PDE1B: variants seen among roughly 807,000 people sequenced by gnomAD.
The protein encoded by PDE1B is phosphodiesterase 1B, also known as dual specificity calcium/calmodulin-dependent 3',5'-cyclic nucleotide phosphodiesterase 1B.
Under a neutral mutation model 66.7 loss-of-function variants are expected in PDE1B, and 13 were observed. The ratio of observed to expected loss-of-function variants is 0.19; its 90% confidence interval spans 0.13 to 0.31. PDE1B has a LOEUF of 0.31. Among genes scored for constraint, PDE1B ranks in the 10% least tolerant of loss-of-function variants. The pLI is 1.00. For missense variants in PDE1B, 485 were observed against 682.3 expected (o/e 0.71, Z 3.22); for synonymous variants, 230 against 253.9 (o/e 0.91, Z 0.90).
At chr12:54,563,352 G>A (rs200277350) in intron 2 of PDE1B, among the ~76,000 whole-genome samples, 1 of 152,246 alleles carries the variant, frequency 6.6e-6, no homozygotes, top group East Asian at 1.9e-4. Flanking sequence ...GGTTCCATTA[G>A]CTTGAGTTGT....
intron 2 of PDE1B, chr12:54,561,418 T>C (rs2121066303): frequency 1.6e-6 from 2 of 1,267,178 alleles, no homozygotes; most frequent in South Asian, 5.4e-5. Flanking sequence ...CACTCTCTTC[T>C]TCCTGCAGCC....
At position 54,575,774 on chromosome 12, in the gene PDE1B, G is replaced by T. The variant is rs1425380506; in HGVS notation, c.1267+142G>T. On this transcript the variant is annotated intron_variant, in intron 12 of 15. Transcript: ENST00000243052. This position sits in a 1 kb window ranked among gnomAD's most constrained non-coding sequence, Gnocchi z 4.0. The stretch of plus-strand genomic sequence containing the variant: ...TACTGTGCTAGAGCATGGGGTCCTG[G>T]GTTAGGAGGCCAGGGGGCTGCAATG... 3 of 757,500 alleles carry T rather than the reference G, an allele frequency of 4.0e-6. No individual in the cohort carries two copies. Among genetic ancestry groups the T allele is most frequent in the Admixed American group, 4.0e-5 (2 of 50,142 alleles). The allele number at this position is 757,500 out of a possible 1,614,324, so 46.9% of individuals were successfully genotyped here.
At position 54,574,847 on chromosome 12, in the gene PDE1B, C is replaced by A. The variant is rs764634096; in HGVS notation, c.1065-251C>A. 3.1e-5 allele frequency: 9 copies of A among 288,194 alleles called. No homozygotes were observed. The Admixed American group carries it at 4.4e-4, about 14-fold the overall frequency. The allele number at this position is 288,194 out of a possible 1,614,324, so 17.9% of individuals were successfully genotyped here. A position where few individuals can be genotyped will look rare whatever the true frequency, so the allele number is the denominator to read the frequency against. ...AATTAGCTGGGTGTGGTGGCATGCA[C>A]GCCTGTAGTCCCAGCTATTCGGGAG... On this transcript the variant is annotated intron_variant, in intron 10 of 15. Coordinates refer to ENST00000243052, the MANE Select transcript of PDE1B (RefSeq NM_000924.4).
At position 54,573,605 on chromosome 12, in the gene PDE1B, C is replaced by T. The variant is rs1472235268; in HGVS notation, c.963-3C>T. 2 of 1,613,834 alleles carry T rather than the reference C, an allele frequency of 1.2e-6. No individual in the cohort carries two copies. The highest frequency in any genetic ancestry group is 1.7e-5 in the Admixed American group (1 of 60,014). ...GATTGCTTCTCTTTTTATGTCCGCT[C>T]AGAGAACTCCGAGCCCTGGTCATTG... On this transcript the variant is annotated splice_polypyrimidine_tract_variant and splice_region_variant and intron_variant, in intron 9 of 15. Coordinates refer to ENST00000243052, the MANE Select transcript of PDE1B (RefSeq NM_000924.4). This position sits in a 1 kb window ranked among gnomAD's most constrained non-coding sequence, Gnocchi z 5.2.
intron 2 of PDE1B, among the ~76,000 whole-genome samples, chr12:54,563,592 A>G (rs1011373690): frequency 6.6e-6 from 1 of 152,188 alleles, no homozygotes; most frequent in Non-Finnish European, 1.5e-5. Context: ...AGGTACTTGT[A>G]TTTGAAGGGA....
chr12:54,550,106 G>A, intron 2 of PDE1B, 121 bp downstream of exon 2: 1 of 1,462,722 alleles, frequency 6.8e-7, no homozygotes, highest in Non-Finnish European at 9.1e-7. Context: ...GATGTTGGCA[G>A]GTGCGAGGAA....
chr12:54,569,375 C>T lies in PDE1B; in HGVS notation c.410+9C>T, dbSNP rs564806916. ...GGGATCTTCGTGGAACGGTGAGGCTCGCCCACACTCAGCCTCCCTCTGCCT... is the reference window on the plus strand; with the variant it reads ...GGGATCTTCGTGGAACGGTGAGGCTTGCCCACACTCAGCCTCCCTCTGCCT... On this transcript the variant is annotated intron_variant, in intron 4 of 15. Transcript: ENST00000243052. This position sits in a 1 kb window ranked among gnomAD's most constrained non-coding sequence, Gnocchi z 4.4. The T allele has an allele frequency of 4.1e-5, 66 of 1,597,482 alleles. No individual in the cohort carries two copies. The South Asian group carries it at 5.5e-4, about 13-fold the overall frequency.
Position 54,573,186 on chromosome 12 carries a change from T to C in PDE1B, c.774T>C (p.Phe258=), listed in dbSNP as rs376805586. The change falls in exon 8 of 16, where the codon TTT becomes TTC. Residue 258 remains phenylalanine (F), a synonymous_variant. Coordinates refer to ENST00000243052, the MANE Select transcript of PDE1B (RefSeq NM_000924.4). The surrounding 1 kb of genome is among the most constrained non-coding windows in gnomAD (Gnocchi z 5.2). ...LSEIELLAII[F]AAAIHDYEHT... ...AGATTGAGCTCCTGGCCATCATCTT[T>C]GCTGCAGCTATCCATGATTATGAGC... The C allele has an allele frequency of 9.3e-6, 15 of 1,614,012 alleles. No homozygotes were observed. The African/African-American group carries it at 2.0e-4, about 22-fold the overall frequency.
chr12:54,566,496 A>G (rs1295159028), intron 2 of PDE1B, among the ~76,000 whole-genome samples: 2 of 152,184 alleles, frequency 1.3e-5, no homozygotes, highest in East Asian at 3.8e-4. Flanking sequence ...CCCCCACACC[A>G]TGACCAAGAG....
At chr12:54,577,505 G>A (rs189017650) in intron 15 of PDE1B, 160 bp downstream of exon 15, 2 of 1,587,816 alleles carry the variant, frequency 1.3e-6, no homozygotes, top group Non-Finnish European at 1.7e-6. Flanking sequence ...TGTGGGTGGA[G>A]CAGGGAAATC....
At chr12:54,566,203 A>G (rs1957512816) in intron 2 of PDE1B, among the ~76,000 whole-genome samples, 2 of 152,214 alleles carry the variant, frequency 1.3e-5, no homozygotes, top group African/African-American at 4.8e-5. Context: ...CATCCAGTGA[A>G]TGAGATCCCT....
intron 2 of PDE1B, among the ~76,000 whole-genome samples, chr12:54,550,743 C>T (rs766742032): frequency 6.6e-6 from 1 of 152,152 alleles, no homozygotes; most frequent in Non-Finnish European, 1.5e-5. Context: ...TCTCCAAGCA[C>T]ATTTGGGCAT....
chr12:54,551,796 C>G (rs527878658), intron 2 of PDE1B, among the ~76,000 whole-genome samples: 1 of 152,238 alleles, frequency 6.6e-6, no homozygotes, highest in Non-Finnish European at 1.5e-5. Context: ...AGGCATGAAA[C>G]CTGGGAAGAG....
chr12:54,575,031 G>C lies in PDE1B; in HGVS notation c.1065-67G>C, dbSNP rs563659989. ...GTGATAGGGTGTGCGTGGGAAGTTA[G>C]GGAATGGTCCTAACTTCCTTTTCCT... On this transcript the variant is annotated intron_variant, in intron 10 of 15. Coordinates refer to ENST00000243052, the MANE Select transcript of PDE1B (RefSeq NM_000924.4). This position sits in a 1 kb window ranked among gnomAD's most constrained non-coding sequence, Gnocchi z 4.0. 8.8e-5 allele frequency: 128 copies of C among 1,449,280 alleles called. No individual in the cohort carries two copies. The highest frequency in any genetic ancestry group is 2.9e-5 in the Non-Finnish European group (30 of 1,047,338). 89.8% of individuals were successfully genotyped at this position (1,449,280 alleles called of 1,614,324 possible).
chr12:54,568,490 A>T (rs1957556599), intron 3 of PDE1B, among the ~76,000 whole-genome samples: 1 of 151,326 alleles, frequency 6.6e-6, no homozygotes. Flanking sequence ...ACACACACAC[A>T]CACACACACA....
chr12:54,568,134 G>A (rs1488593705), intron 3 of PDE1B, among the ~76,000 whole-genome samples: 1 of 152,160 alleles, frequency 6.6e-6, no homozygotes, highest in Non-Finnish European at 1.5e-5. Context: ...GGGGATTACA[G>A]GCGTGAGCTA....
intron 2 of PDE1B, among the ~76,000 whole-genome samples, chr12:54,563,514 G>C (rs1957457985): frequency 6.6e-6 from 1 of 152,212 alleles, no homozygotes; most frequent in South Asian, 2.1e-4. Flanking sequence ...CCTCTGTTAG[G>C]GAGCTTCCTA....
chr12:54,560,317 G>A (rs911047128), intron 2 of PDE1B, among the ~76,000 whole-genome samples: 1 of 152,108 alleles, frequency 6.6e-6, no homozygotes, highest in African/African-American at 2.4e-5. Flanking sequence ...TGGGGTAAAG[G>A]GAAAACTTCC....
At chr12:54,560,614 C>T (rs918442467) in intron 2 of PDE1B, among the ~76,000 whole-genome samples, 1 of 152,184 alleles carries the variant, frequency 6.6e-6, no homozygotes, top group African/African-American at 2.4e-5. Flanking sequence ...ACTGTGTGCG[C>T]ACGTCCACTT....
Sources: gnomAD v4.1 joint callset for allele counts (sites outside exome capture counted in the v4.1 genomes callset) on GRCh38, gnomAD v4.1.1 for gene constraint, Gnocchi (gnomAD v3.1) non-coding constraint, MANE v1.5 for transcripts, NCBI Gene and HGNC (gene_info 2026-07-23, HGNC 2026-07-21) for gene names.